AGBL1: variants seen among roughly 807,000 people sequenced by gnomAD.
AGBL1 encodes the protein cytosolic carboxypeptidase 4.
In AGBL1, 130 loss-of-function variants were observed where a neutral mutation model predicts 118.9. The observed-to-expected ratio is 1.09, with a 90% CI of 0.95 to 1.26. The LOEUF (loss-of-function observed/expected upper bound fraction) is 1.26. AGBL1 is among the 50% of genes most tolerant of loss of function. AGBL1 has a pLI of 0.00. For missense variants in AGBL1, 1,584 were observed against 1,298.1 expected, an observed-to-expected ratio of 1.22 and a Z score of -3.38; for synonymous variants, 555 against 478.9, an observed-to-expected ratio of 1.16 and a Z score of -2.08.
chr15:86,564,532 A>T (rs1185374394), intron 21 of AGBL1, among the ~76,000 whole-genome samples: 1 of 152,150 alleles, frequency 6.6e-6, no homozygotes, highest in Non-Finnish European at 1.5e-5. Flanking sequence ...CTTTGTGGGT[A>T]ACCCGACCTT....
At chr15:86,237,452 T>C (rs1364006288) in intron 6 of AGBL1, among the ~76,000 whole-genome samples, 28 of 152,158 alleles carry the variant, frequency 1.8e-4, no homozygotes, top group Non-Finnish European at 4.0e-4. Context: ...AAATATCAAG[T>C]TGGGGAGAAA....
intron 22 of AGBL1, among the ~76,000 whole-genome samples, chr15:86,792,212 C>G (rs1011269592): frequency 6.6e-6 from 1 of 152,172 alleles, no homozygotes; most frequent in African/African-American, 2.4e-5. Flanking sequence ...GAACAGAGTA[C>G]TTTACTTTTG....
At chr15:86,814,051 C>T (rs138639419) in intron 22 of AGBL1, among the ~76,000 whole-genome samples, 20 of 152,222 alleles carry the variant, frequency 1.3e-4, no homozygotes, top group African/African-American at 2.9e-4. Context: ...TGCTTTAGAC[C>T]GGGGTTCCCA....
chr15:86,218,182 T>A (rs1238512940), intron 5 of AGBL1, among the ~76,000 whole-genome samples: 1 of 152,098 alleles, frequency 6.6e-6, no homozygotes, highest in Non-Finnish European at 1.5e-5. Flanking sequence ...TAGGCTAGGG[T>A]GACAACAGCA....
At chr15:86,178,657 A>C (rs1239182346) in intron 5 of AGBL1, among the ~76,000 whole-genome samples, 1 of 152,258 alleles carries the variant, frequency 6.6e-6, no homozygotes, top group Non-Finnish European at 1.5e-5. Context: ...CCAAACATTT[A>C]AAAATAAATA....
chr15:86,637,599 G>A (rs2085118035), intron 21 of AGBL1, among the ~76,000 whole-genome samples: 1 of 152,172 alleles, frequency 6.6e-6, no homozygotes, highest in Non-Finnish European at 1.5e-5. Context: ...AGTATGGATT[G>A]GAAGCAGAAA....
chr15:86,743,520 T>C (rs2077710488), intron 22 of AGBL1, among the ~76,000 whole-genome samples: 1 of 152,094 alleles, frequency 6.6e-6, no homozygotes, highest in African/African-American at 2.4e-5. Flanking sequence ...GTTGTGGCCA[T>C]AGTGCATGTG....
At chr15:86,244,685 A>G (rs1319499332) in intron 6 of AGBL1, among the ~76,000 whole-genome samples, 1 of 152,192 alleles carries the variant, frequency 6.6e-6, no homozygotes, top group Non-Finnish European at 1.5e-5. Context: ...ACCAAAAAAG[A>G]CATGGATGAA....
At chr15:86,827,352 T>TACAC (rs1297692252) in intron 22 of AGBL1, among the ~76,000 whole-genome samples, 5 of 9,692 alleles carry the variant, frequency 5.2e-4, no homozygotes, top group African/African-American at 2.8e-3. Context: ...TATATATATA[T>TACAC]ATATATATAT....
At chr15:86,656,038 T>C (rs1447858749) in intron 21 of AGBL1, among the ~76,000 whole-genome samples, 3 of 152,158 alleles carry the variant, frequency 2.0e-5, no homozygotes, top group Admixed American at 2.0e-4. Flanking sequence ...AAATAAGTAA[T>C]GAAATAATGT....
intron 21 of AGBL1, among the ~76,000 whole-genome samples, chr15:86,663,481 A>G (rs1472602905): frequency 1.3e-5 from 2 of 152,152 alleles, no homozygotes; most frequent in Admixed American, 6.6e-5. Flanking sequence ...AGCTGCAGGT[A>G]GGTTTCAGAA....
intron 15 of AGBL1, among the ~76,000 whole-genome samples, chr15:86,273,869 G>A (rs2079200691): frequency 1.3e-5 from 2 of 152,156 alleles, no homozygotes; most frequent in South Asian, 4.1e-4. Flanking sequence ...AGACTCAGAA[G>A]AAATGGGATT....
At chr15:86,456,822 A>C (rs184167056) in intron 18 of AGBL1, among the ~76,000 whole-genome samples, 3 of 152,270 alleles carry the variant, frequency 2.0e-5, no homozygotes, top group Admixed American at 2.0e-4. Context: ...GGTTTTATAA[A>C]ATAGAGCATA....
At chr15:86,474,867 T>C (rs140466462) in intron 18 of AGBL1, among the ~76,000 whole-genome samples, 8,353 of 152,262 alleles carry the variant, frequency 0.055, 811 homozygotes, top group African/African-American at 0.19. Flanking sequence ...GGTACCCCTC[T>C]GAGACGAAGC....
intron 22 of AGBL1, among the ~76,000 whole-genome samples, chr15:86,748,365 G>T (rs996653133): frequency 6.6e-6 from 1 of 151,886 alleles, no homozygotes; most frequent in African/African-American, 2.4e-5. Flanking sequence ...GTTCTTTGTG[G>T]ATTCTGGATA....
chr15:86,845,085 TAAAATC>T (rs1231819731), intron 22 of AGBL1, among the ~76,000 whole-genome samples: 1 of 152,140 alleles, frequency 6.6e-6, no homozygotes, highest in African/African-American at 2.4e-5. Context: ...TTTATAGTAT[TAAAATC>T]AAAGTCCTCC....
At chr15:86,961,430 C>T (rs549584653) in intron 23 of AGBL1, among the ~76,000 whole-genome samples, 19 of 151,966 alleles carry the variant, frequency 1.3e-4, no homozygotes, top group East Asian at 1.9e-4. Flanking sequence ...AAACTTCTAC[C>T]GACTTCAGTG....
intron 23 of AGBL1, among the ~76,000 whole-genome samples, chr15:86,929,633 C>T (rs1184677829): frequency 4.6e-5 from 7 of 152,238 alleles, no homozygotes; most frequent in African/African-American, 1.7e-4. Flanking sequence ...CTTTCAGATA[C>T]ACAATTCAAC....
chr15:86,699,237 G>A lies in AGBL1; in HGVS notation c.3158+24801G>A, dbSNP rs952824183. Among the ~76,000 whole-genome samples, 5 of 151,946 alleles carry A rather than the reference G, an allele frequency of 3.3e-5. No homozygotes were observed. The East Asian group carries it at 9.7e-4, about 30-fold the overall frequency. ...ATTATACACAGACTATATATACCCA[G>A]TCATTTTTTTCCAAATCATTTAAGT... On this transcript the variant is annotated intron_variant, in intron 22 of 22. Transcript: ENST00000614907.
Sources: allele counts gnomAD v4.1 joint callset (sites outside exome capture counted in the v4.1 genomes callset), GRCh38; gene constraint gnomAD v4.1.1; transcripts MANE v1.5; gene names NCBI Gene and HGNC (gene_info 2026-07-23, HGNC 2026-07-21).